Variants in PIAS2 observed in about 807,000 individuals in gnomAD.
PIAS2 encodes the protein E3 SUMO-protein ligase PIAS2.
PIAS2 carries 19 observed loss-of-function variants against 69.7 expected under a neutral mutation model. The ratio of observed to expected loss-of-function variants is 0.27; its 90% CI spans 0.19 to 0.40. The LOEUF (loss-of-function observed/expected upper bound fraction) is 0.40, where lower values mean the gene tolerates loss of function less well. Among genes scored for constraint, PIAS2 ranks in the 10% least tolerant of loss-of-function variants. The pLI, the probability that PIAS2 is intolerant of heterozygous loss-of-function variation, is 1.00. For synonymous variants in PIAS2, 261 were observed against 263.2 expected (o/e 0.99, Z 0.08); for missense variants, 624 against 757.0 (o/e 0.82, Z 2.06).
Position 46,812,627 on chromosome 18 carries a change from CAAT to C in PIAS2, c.1687-18_1687-16del. On this transcript the variant is annotated splice_polypyrimidine_tract_variant and intron_variant, in intron 13 of 13. Transcript: ENST00000585916. ...GGAGGACAGTACTGCTTGAAACAAACAATGATGCCAATGAGGAAGAGGCTACTT... is the reference window on the plus strand; with the variant it reads ...GGAGGACAGTACTGCTTGAAACAAACGATGCCAATGAGGAAGAGGCTACTT... 2 of 1,524,464 alleles carry C rather than the reference CAAT, an allele frequency of 1.3e-6. No homozygotes were observed. Among genetic ancestry groups the C allele is most frequent in the South Asian group, 1.2e-5 (1 of 83,710 alleles). 94.4% of individuals were successfully genotyped at this position (1,524,464 alleles called of 1,614,324 possible).
chr18:46,806,352 A>AATTTTTTT lies in PIAS2; in HGVS notation c.*6080_*6081insAAAAAAAT, dbSNP rs763051636. 2.4e-5 allele frequency: 1 copy of AATTTTTTT among 42,018 alleles called. No individual in the cohort carries two copies. Among genetic ancestry groups the AATTTTTTT allele is most frequent in the Non-Finnish European group, 5.9e-5 (1 of 16,860 alleles). 2.6% of individuals were successfully genotyped at this position (42,018 alleles called of 1,614,324 possible). On this transcript the variant is annotated 3_prime_UTR_variant, in exon 14 of 14. Coordinates refer to ENST00000585916, the MANE Select transcript of PIAS2 (RefSeq NM_004671.5). ...GAAAATTCTTTGCACAATGCCTGTTACTTTTTTTTTTTTTTTTTTTTTTTT... is the reference window on the plus strand; with the variant it reads ...GAAAATTCTTTGCACAATGCCTGTTAATTTTTTTCTTTTTTTTTTTTTTTTTTTTTTTT...
intron 5 of PIAS2, among the ~76,000 whole-genome samples, chr18:46,854,823 C>T (rs1305434969): frequency 1.3e-5 from 2 of 152,138 alleles, no homozygotes; most frequent in African/African-American, 2.4e-5. Context: ...TCTGCTTTTC[C>T]CCATGCCATC....
intron 11 of PIAS2, among the ~76,000 whole-genome samples, chr18:46,822,724 A>T (rs1005865384): frequency 3.3e-5 from 5 of 152,140 alleles, no homozygotes; most frequent in African/African-American, 7.2e-5. Context: ...TCTCACACAC[A>T]AGAGTTTATA....
intron 3 of PIAS2, among the ~76,000 whole-genome samples, chr18:46,859,234 C>T (rs981533602): frequency 2.0e-5 from 3 of 152,030 alleles, no homozygotes; most frequent in African/African-American, 7.3e-5. Flanking sequence ...CGAGACCATC[C>T]TGGCTAACAT....
intron 10 of PIAS2, 77 bp from the exon 11 acceptor site, chr18:46,828,207 T>C: frequency 7.8e-7 from 1 of 1,276,730 alleles, no homozygotes; most frequent in Non-Finnish European, 1.1e-6. Flanking sequence ...GTCTAGTATA[T>C]TCAGTATAGT....
At chr18:46,817,637 A>G in intron 12 of PIAS2, 1 of 965,872 alleles carries the variant, frequency 1.0e-6, no homozygotes, top group Non-Finnish European at 1.2e-6. Context: ...ATAATAAAAT[A>G]CCTAGAAATT....
rs1370800536 is a variant in PIAS2, at chr18:46,810,859, G to A, written c.*1574C>T. ...AGTCCACACCTGGGCACTTCAGTTT[G>A]AGAAATCAATTGGTTGGACTGGCCA... On this transcript the variant is annotated 3_prime_UTR_variant, in exon 14 of 14. Coordinates refer to ENST00000585916, the MANE Select transcript of PIAS2 (RefSeq NM_004671.5). 6.6e-6 allele frequency: 1 copy of A among 151,954 alleles called. No homozygotes were observed. Among genetic ancestry groups the A allele is most frequent in the Non-Finnish European group, 1.5e-5 (1 of 68,010 alleles). 9.4% of individuals were successfully genotyped at this position (151,954 alleles called of 1,614,324 possible).
At chr18:46,893,486 G>A in intron 1 of PIAS2, 1 of 982,360 alleles carries the variant, frequency 1.0e-6, no homozygotes, top group Non-Finnish European at 1.2e-6. Flanking sequence ...TATTTCCAGT[G>A]ATAACATTAT....
At position 46,890,664 on chromosome 18, in the gene PIAS2, T is replaced by G. The variant is rs777093027; in HGVS notation, c.415A>C (p.Ile139Leu). Residue 139 changes from isoleucine to leucine, a missense_variant, in exon 2 of 14, where the codon ATT becomes CTT. By Grantham distance (5) the Ile-to-Leu change is conservative. Transcript: ENST00000585916. ...TGCACATCAGGATGGACAGGAGGAA[T>G]TGGGGGAGATGGCTGCTGCATCTCA... ...TFEMQQPSPP[I>L]PPVHPDVQLK... 2 of 1,614,004 alleles carry G rather than the reference T, an allele frequency of 1.2e-6. No homozygotes were observed. The highest frequency in any genetic ancestry group is 1.3e-5 in the African/African-American group (1 of 74,998).
intron 9 of PIAS2, among the ~76,000 whole-genome samples, chr18:46,835,184 C>T (rs1003290982): frequency 1.3e-5 from 2 of 152,176 alleles, no homozygotes; most frequent in African/African-American, 4.8e-5. Context: ...TCTCTCTCTA[C>T]ATTCACAAAT....
intron 12 of PIAS2, chr18:46,817,427 C>A (rs755447368): frequency 7.9e-5 from 76 of 965,324 alleles, no homozygotes; most frequent in Non-Finnish European, 8.7e-5. Flanking sequence ...AAAATTGAAG[C>A]TCTATCACCA....
At chr18:46,835,180 T>C (rs2044257696) in intron 9 of PIAS2, among the ~76,000 whole-genome samples, 1 of 152,178 alleles carries the variant, frequency 6.6e-6, no homozygotes, top group Admixed American at 6.5e-5. Flanking sequence ...ATCATCTCTC[T>C]CTACATTCAC....
chr18:46,900,968 C>G, intron 1 of PIAS2: 1 of 355,774 alleles, frequency 2.8e-6, no homozygotes. Flanking sequence ...GAACGAAACT[C>G]TGTCTCAAAT....
At chr18:46,877,584 G>A (rs192868208) in intron 2 of PIAS2, among the ~76,000 whole-genome samples, 7 of 152,070 alleles carry the variant, frequency 4.6e-5, no homozygotes, top group Admixed American at 2.0e-4. Context: ...GTCTTGTACC[G>A]TAACAAACAG....
chr18:46,813,138 T>C (rs1055108016), intron 13 of PIAS2, among the ~76,000 whole-genome samples: 41 of 152,188 alleles, frequency 2.7e-4, no homozygotes, highest in African/African-American at 9.7e-4. Context: ...CGTAAAATAC[T>C]TGTGTCATCA....
intron 12 of PIAS2, chr18:46,818,451 C>A: frequency 1.3e-6 from 2 of 1,565,420 alleles, no homozygotes; most frequent in South Asian, 2.4e-5. Flanking sequence ...TGTTCTCCTG[C>A]AGATTCAGAA....
At chr18:46,908,911 A>C (rs1349334846) in intron 1 of PIAS2, among the ~76,000 whole-genome samples, 4 of 152,174 alleles carry the variant, frequency 2.6e-5, no homozygotes, top group Non-Finnish European at 4.4e-5. Context: ...CAGAAGTCTG[A>C]GACAGGAGAA....
intron 1 of PIAS2, among the ~76,000 whole-genome samples, chr18:46,900,196 C>A (rs1021682193): frequency 6.6e-6 from 1 of 151,674 alleles, no homozygotes; most frequent in African/African-American, 2.4e-5. Context: ...AAAACACAGT[C>A]TCTACAGAAA....
At chr18:46,835,752 C>T (rs1232729111) in intron 9 of PIAS2, among the ~76,000 whole-genome samples, 1 of 152,108 alleles carries the variant, frequency 6.6e-6, no homozygotes, top group South Asian at 2.1e-4. Context: ...TAGGATGGTA[C>T]TGCTAATTTT....
Sources: allele counts gnomAD v4.1 joint callset (sites outside exome capture counted in the v4.1 genomes callset), GRCh38; gene constraint gnomAD v4.1.1; transcripts MANE v1.5; gene names NCBI Gene and HGNC (gene_info 2026-07-23, HGNC 2026-07-21).